PDE6C: variants seen among roughly 807,000 people sequenced by gnomAD.
PDE6C encodes the protein cone cGMP-specific 3',5'-cyclic phosphodiesterase subunit alpha'.
A neutral mutation model predicts 113.1 loss-of-function variants in PDE6C; 75 were observed. The ratio of observed to expected loss-of-function variants is 0.66; its 90% confidence interval spans 0.55 to 0.80. The LOEUF is 0.80. PDE6C is among the 30% of genes least tolerant of loss of function. The pLI is 0.00. For missense variants in PDE6C, 912 were observed against 1,038.6 expected (o/e 0.88, Z 1.67); for synonymous variants, 375 against 363.7 (o/e 1.03, Z -0.35).
chr10:93,644,723 G>C (rs1453455448), intron 14 of PDE6C, among the ~76,000 whole-genome samples: 1 of 148,770 alleles, frequency 6.7e-6, no homozygotes, highest in African/African-American at 2.5e-5. Flanking sequence ...TACCCTTCCT[G>C]GCCTCTGATA....
intron 11 of PDE6C, among the ~76,000 whole-genome samples, chr10:93,638,396 G>T (rs762068430): frequency 1.3e-5 from 2 of 151,878 alleles, no homozygotes; most frequent in Non-Finnish European, 2.9e-5. Flanking sequence ...ATTTTGCTTG[G>T]CTCCACCTTT....
intron 16 of PDE6C, among the ~76,000 whole-genome samples, chr10:93,657,841 GAGA>G (rs756061135): frequency 1.4e-4 from 22 of 152,124 alleles, no homozygotes; most frequent in Non-Finnish European, 1.0e-4. Flanking sequence ...CTGCACTCCT[GAGA>G]AGTTGTGCCA....
At chr10:93,649,959 T>TGGGAAACCA (rs1438419484) in intron 15 of PDE6C, among the ~76,000 whole-genome samples, 1 of 152,112 alleles carries the variant, frequency 6.6e-6, no homozygotes, top group African/African-American at 2.4e-5. Context: ...TTTATATACC[T>TGGGAAACCA]GGGAAACCAG....
At position 93,612,865 on chromosome 10, in the gene PDE6C, G is replaced by A. The variant is rs1240020599; in HGVS notation, c.140G>A (p.Ser47Asn). The stretch of plus-strand genomic sequence containing the variant: ...AACAGCCAGGTGCCAGTCCAGTCCA[G>A]CATGTCCTTCTCTGAGCTGACCCAG... Reference protein sequence around the residue: ...FKNSQVPVQSSMSFSELTQVE... With the variant: ...FKNSQVPVQSNMSFSELTQVE... Residue 47 changes from serine (S) to asparagine (N), a missense_variant, in exon 1 of 22, where the codon AGC (serine) becomes AAC (asparagine). Physicochemically the swap from Ser to Asn is conservative, Grantham distance 46 (BLOSUM62 1). Transcript: ENST00000371447. The A allele has an allele frequency of 6.2e-7, 1 of 1,614,152 alleles. No homozygotes were observed. Among genetic ancestry groups the A allele is most frequent in the Non-Finnish European group, 8.5e-7 (1 of 1,180,030 alleles).
At chr10:93,624,238 T>A (rs995103587) in intron 4 of PDE6C, among the ~76,000 whole-genome samples, 1 of 152,148 alleles carries the variant, frequency 6.6e-6, no homozygotes, top group Non-Finnish European at 1.5e-5. Context: ...TATTTATATA[T>A]TTTTTCTTTT....
At chr10:93,646,309 A>T (rs752919880) in intron 15 of PDE6C, among the ~76,000 whole-genome samples, 1 of 152,148 alleles carries the variant, frequency 6.6e-6, no homozygotes, top group Non-Finnish European at 1.5e-5. Flanking sequence ...CTTATGGTGG[A>T]TGCAAAAGGG....
chr10:93,616,021 T>C (rs567784195), intron 1 of PDE6C, among the ~76,000 whole-genome samples: 1 of 152,350 alleles, frequency 6.6e-6, no homozygotes, highest in Non-Finnish European at 1.5e-5. Flanking sequence ...CAGTAAGATT[T>C]GCAACGGGAA....
intron 11 of PDE6C, among the ~76,000 whole-genome samples, chr10:93,638,553 T>C (rs1345719694): frequency 6.6e-6 from 1 of 152,198 alleles, no homozygotes; most frequent in Non-Finnish European, 1.5e-5. Context: ...GGAAGAAGGA[T>C]CTTATGTTGT....
intron 7 of PDE6C, among the ~76,000 whole-genome samples, chr10:93,627,555 T>G (rs2058480093): frequency 6.6e-6 from 1 of 152,090 alleles, no homozygotes; most frequent in Admixed American, 6.6e-5. Context: ...GTGGGGATGG[T>G]GTGGGATGTG....
At chr10:93,642,918 G>A (rs2134614153) in intron 14 of PDE6C, among the ~76,000 whole-genome samples, 1 of 152,250 alleles carries the variant, frequency 6.6e-6, no homozygotes, top group East Asian at 1.9e-4. Flanking sequence ...TCATCTCAAA[G>A]GTTCCAGCCT....
intron 1 of PDE6C, among the ~76,000 whole-genome samples, chr10:93,616,808 C>T (rs2058422134): frequency 1.3e-5 from 2 of 152,132 alleles, no homozygotes; most frequent in South Asian, 2.1e-4. Context: ...CATGCACCAC[C>T]ATGCCCAGCT....
intron 14 of PDE6C, among the ~76,000 whole-genome samples, chr10:93,645,040 G>A (rs796406532): frequency 6.6e-6 from 1 of 151,778 alleles, no homozygotes; most frequent in African/African-American, 2.4e-5. Flanking sequence ...GGCACAGAGA[G>A]TCAAATATCA....
intron 15 of PDE6C, among the ~76,000 whole-genome samples, chr10:93,649,850 C>T (rs1196995112): frequency 1.3e-5 from 2 of 152,264 alleles, no homozygotes; most frequent in East Asian, 3.9e-4. Flanking sequence ...GGTGATCCAC[C>T]CACCTTGGCC....
At chr10:93,628,951 G>A (rs1328166031) in intron 7 of PDE6C, among the ~76,000 whole-genome samples, 1 of 152,166 alleles carries the variant, frequency 6.6e-6, no homozygotes, top group South Asian at 2.1e-4. Flanking sequence ...GAATTTCTCA[G>A]CTTTCTCCTC....
chr10:93,660,408 AT>A (rs1239655169), intron 18 of PDE6C, among the ~76,000 whole-genome samples: 1 of 152,088 alleles, frequency 6.6e-6, no homozygotes, highest in Non-Finnish European at 1.5e-5. Context: ...AGCAAGGCCG[AT>A]TTGTTCAGAT....
chr10:93,647,314 T>C (rs1160680878), intron 15 of PDE6C, among the ~76,000 whole-genome samples: 1 of 152,108 alleles, frequency 6.6e-6, no homozygotes, highest in African/African-American at 2.4e-5. Context: ...TCAATAATAA[T>C]CTTTTATTAA....
At chr10:93,633,047 C>T (rs1202155144) in intron 8 of PDE6C, among the ~76,000 whole-genome samples, 1 of 152,186 alleles carries the variant, frequency 6.6e-6, no homozygotes, top group Non-Finnish European at 1.5e-5. Flanking sequence ...GGGAAGTCTT[C>T]AAGAACAAAT....
intron 1 of PDE6C, 24 bp from the exon 2 acceptor site, chr10:93,620,608 C>T (rs768870141): frequency 6.2e-7 from 1 of 1,613,332 alleles, no homozygotes; most frequent in East Asian, 2.2e-5. Flanking sequence ...GCCACTTTGA[C>T]AAATATGTGA....
chr10:93,629,414 A>ACCT, intron 8 of PDE6C, 109 bp downstream of exon 8: 1 of 838,162 alleles, frequency 1.2e-6, no homozygotes, highest in Non-Finnish European at 2.1e-6. Context: ...GTGTGGCCAC[A>ACCT]GGCACACACG....
Sources: allele counts gnomAD v4.1 joint callset (sites outside exome capture counted in the v4.1 genomes callset), GRCh38; gene constraint gnomAD v4.1.1; transcripts MANE v1.5; gene names NCBI Gene and HGNC (gene_info 2026-07-23, HGNC 2026-07-21).